Variants in SEC24D observed in about 807,000 individuals in gnomAD.
The protein encoded by SEC24D is protein transport protein Sec24D.
Under a neutral mutation model 116.9 loss-of-function variants are expected in SEC24D, and 69 were observed. That is an observed-to-expected ratio of 0.59 (90% CI 0.49 to 0.72). The LOEUF is 0.72. Ranked by LOEUF, SEC24D falls within the 30% of genes least tolerant of loss-of-function variation. SEC24D has a pLI of 0.00. For synonymous variants in SEC24D, 405 were observed against 442.8 expected (o/e 0.91, Z 1.07); for missense variants, 1,131 against 1,264.1 (o/e 0.89, Z 1.60).
intron 13 of SEC24D, among the ~76,000 whole-genome samples, chr4:118,749,792 C>A (rs1395935308): frequency 6.6e-6 from 1 of 152,232 alleles, no homozygotes; most frequent in Non-Finnish European, 1.5e-5. Context: ...CTGCATGAAA[C>A]TGGCATTGGG....
At chr4:118,744,365 G>A (rs888350066) in intron 14 of SEC24D, among the ~76,000 whole-genome samples, 1 of 152,156 alleles carries the variant, frequency 6.6e-6, no homozygotes, top group African/African-American at 2.4e-5. Context: ...CCAGGTCCGT[G>A]CTGTGTGAAA....
chr4:118,729,682 C>T (rs943907378), intron 21 of SEC24D: 3 of 152,162 alleles, frequency 2.0e-5, no homozygotes, highest in African/African-American at 4.8e-5. Context: ...ACATTTCTTC[C>T]GTTAAGACAG....
chr4:118,753,013 T>C, intron 11 of SEC24D, 125 bp from the exon 12 acceptor site: 1 of 656,274 alleles, frequency 1.5e-6, no homozygotes, highest in Non-Finnish European at 2.4e-6. Flanking sequence ...GTTTTTGTCT[T>C]ACTTTCTGTT....
rs558231407 is a variant in SEC24D, at chr4:118,767,344, C to T, written c.1180+829G>A. 3.0e-4 allele frequency among the ~76,000 whole-genome samples: 46 copies of T among 152,268 alleles called. No individual in the cohort carries two copies. In the South Asian group the frequency reaches 7.3e-3, roughly 24 times the overall value. On this transcript the variant is annotated intron_variant, in intron 9 of 22. Transcript: ENST00000280551. ...TCAGCATTAGGGAGTAGTCAGCACC[C>T]GTGGGTAGAACCATGTGTTCACAGG... is the stretch of plus-strand genomic sequence containing the variant.
chr4:118,739,010 C>T, intron 18 of SEC24D, 139 bp downstream of exon 18: 1 of 747,506 alleles, frequency 1.3e-6, no homozygotes. Flanking sequence ...GCTGACTATT[C>T]TCTCTCAGCC....
At chr4:118,725,531 T>G (rs1045386675) in intron 22 of SEC24D, among the ~76,000 whole-genome samples, 1 of 152,074 alleles carries the variant, frequency 6.6e-6, no homozygotes, top group African/African-American at 2.4e-5. Context: ...CCAATTTCTT[T>G]AGAATTTACT....
At position 118,754,395 on chromosome 4, in the gene SEC24D, TTCC is replaced by T. The variant is rs1227768359; in HGVS notation, c.1422-1510_1422-1508del. ...ACTCTTCAAAACCAAGTGCAAATTC[TTCC>T]TCCTCTGTGAAATCTCCCCGATGCT... On this transcript the variant is annotated intron_variant, in intron 11 of 22. Coordinates refer to ENST00000280551, the MANE Select transcript of SEC24D (RefSeq NM_014822.4). Among the ~76,000 whole-genome samples, 3 of 152,234 alleles carry T rather than the reference TTCC, an allele frequency of 2.0e-5. No homozygotes were observed. In the East Asian group the frequency reaches 5.8e-4, roughly 29 times the overall value.
chr4:118,819,559 G>A (rs1730306370), intron 3 of SEC24D, among the ~76,000 whole-genome samples: 1 of 139,314 alleles, frequency 7.2e-6, no homozygotes, highest in South Asian at 2.4e-4. Flanking sequence ...AAAAAAGTTT[G>A]TCATAGGGAA....
chr4:118,794,796 T>A (rs1729102779), intron 8 of SEC24D, among the ~76,000 whole-genome samples: 1 of 152,228 alleles, frequency 6.6e-6, no homozygotes, highest in African/African-American at 2.4e-5. Flanking sequence ...TGATTTTGTA[T>A]GTACAGTTAT....
chr4:118,768,221 C>G lies in SEC24D; in HGVS notation c.1132G>C (p.Glu378Gln), dbSNP rs1023084124. ...CCACACTGATATCTCCTTCCTCCTTCGATGAACTGCATAAATGGGCACATG... is the reference window on the plus strand; with the variant it reads ...CCACACTGATATCTCCTTCCTCCTTGGATGAACTGCATAAATGGGCACATG... ...AYMCPFMQFI[E>Q]GGRRYQCGFC... The change falls in exon 9 of 23, where the codon GAA (glutamate) becomes CAA (glutamine). Residue 378 changes from glutamate (E) to glutamine (Q), a missense_variant. By Grantham distance (29) the Glu-to-Gln change is conservative (BLOSUM62 2). Coordinates refer to ENST00000280551, the MANE Select transcript of SEC24D (RefSeq NM_014822.4). The G allele has an allele frequency of 6.2e-7, 1 of 1,613,756 alleles. No individual in the cohort carries two copies. Among genetic ancestry groups the G allele is most frequent in the African/African-American group, 1.3e-5 (1 of 74,904 alleles).
intron 8 of SEC24D, among the ~76,000 whole-genome samples, chr4:118,774,597 T>C (rs935218561): frequency 6.6e-6 from 1 of 152,102 alleles, no homozygotes; most frequent in African/African-American, 2.4e-5. Context: ...CTCTATACTA[T>C]ATGTGCAAGA....
intron 20 of SEC24D, among the ~76,000 whole-genome samples, chr4:118,732,517 A>G (rs189578205): frequency 1.8e-3 from 275 of 152,280 alleles, no homozygotes; most frequent in African/African-American, 6.2e-3. Flanking sequence ...AACTCCTCAG[A>G]TTCCCTCCCC....
intron 19 of SEC24D, chr4:118,733,202 G>T: frequency 4.5e-6 from 1 of 222,786 alleles, no homozygotes; most frequent in Non-Finnish European, 8.7e-6. Flanking sequence ...TTTAGCAGGT[G>T]TGTGACCCTG....
intron 13 of SEC24D, among the ~76,000 whole-genome samples, chr4:118,745,520 G>A (rs906082544): frequency 1.3e-5 from 2 of 152,114 alleles, no homozygotes; most frequent in Non-Finnish European, 2.9e-5. Flanking sequence ...GGTATTTTGA[G>A]GAAGAATGCA....
At chr4:118,822,580 T>C (rs962123304) in intron 3 of SEC24D, among the ~76,000 whole-genome samples, 2 of 152,158 alleles carry the variant, frequency 1.3e-5, no homozygotes, top group Non-Finnish European at 2.9e-5. Context: ...ACAACAATTT[T>C]TTTTGCCTTG....
chr4:118,799,090 A>G (rs1729310831), intron 7 of SEC24D, among the ~76,000 whole-genome samples: 2 of 152,250 alleles, frequency 1.3e-5, no homozygotes, highest in African/African-American at 2.4e-5. Flanking sequence ...GGAAGAGTAG[A>G]ACCAGGGAGA....
At chr4:118,725,896 C>G (rs1006460018) in intron 22 of SEC24D, among the ~76,000 whole-genome samples, 8 of 152,128 alleles carry the variant, frequency 5.3e-5, no homozygotes, top group African/African-American at 1.9e-4. Context: ...GGGGCACACC[C>G]ACACCAATAA....
intron 6 of SEC24D, among the ~76,000 whole-genome samples, chr4:118,812,525 G>A (rs1184553106): frequency 6.6e-6 from 1 of 152,142 alleles, no homozygotes; most frequent in African/African-American, 2.4e-5. Context: ...CAAGCAGCTG[G>A]ACAGCGAGAG....
In SEC24D at chr4:118,731,299, A is replaced by G; in HGVS notation, c.2868+17T>C. On this transcript the variant is annotated intron_variant, in intron 21 of 22. Transcript: ENST00000280551. ...TATTTTTCATATTACCACAAAAGCA[A>G]TGAAAATAATACTTACCATATCTGT... The G allele has an allele frequency of 6.3e-7, 1 of 1,594,570 alleles. No individual in the cohort carries two copies.
Sources: gnomAD v4.1 joint callset for allele counts (sites outside exome capture counted in the v4.1 genomes callset) on GRCh38, gnomAD v4.1.1 for gene constraint, MANE v1.5 for transcripts, NCBI Gene and HGNC (gene_info 2026-07-23, HGNC 2026-07-21) for gene names.